FRMD6: variants seen among roughly 807,000 people sequenced by gnomAD.
The protein encoded by FRMD6 is FERM domain-containing protein 6.
In FRMD6, 37 loss-of-function variants were observed where a neutral mutation model predicts 73.2. The ratio of observed to expected loss-of-function variants is 0.51; its 90% CI spans 0.39 to 0.66. The LOEUF is 0.66. Among genes scored for constraint, FRMD6 ranks in the 30% least tolerant of loss-of-function variants. The pLI is 0.00. For missense variants in FRMD6, 714 were observed against 780.5 expected, an observed-to-expected ratio of 0.91 and a Z score of 1.02; for synonymous variants, 273 against 282.2, an observed-to-expected ratio of 0.97 and a Z score of 0.33.
At chr14:51,458,205 C>T in the FRMD6 span, among the ~76,000 whole-genome samples, 43,001 of 152,006 alleles carry the variant, frequency 0.28, 6,591 homozygotes, top group Non-Finnish European at 0.34. Flanking sequence ...TGATATGATA[C>T]GAGAGATCAA....
At chr14:51,704,493 G>A (rs899170925) in intron 5 of FRMD6, 9 of 405,332 alleles carry the variant, frequency 2.2e-5, no homozygotes, top group African/African-American at 1.6e-4. Context: ...TTCTCTGAAT[G>A]AATCAAATGC....
intron 1 of FRMD6, among the ~76,000 whole-genome samples, chr14:51,679,111 A>G (rs907083809): frequency 6.6e-6 from 1 of 152,094 alleles, no homozygotes; most frequent in African/African-American, 2.4e-5. Flanking sequence ...ATGATCAGAT[A>G]TGCAATTTAA....
chr14:51,572,311 A>C (rs1888174497), intron 2 of FRMD6, among the ~76,000 whole-genome samples: 1 of 152,254 alleles, frequency 6.6e-6, no homozygotes, highest in Non-Finnish European at 1.5e-5. Flanking sequence ...ACCTCTATTC[A>C]ATGTACAAAG....
chr14:51,619,805 G>A (rs1273622897), intron 2 of FRMD6, among the ~76,000 whole-genome samples: 2 of 152,124 alleles, frequency 1.3e-5, no homozygotes, highest in Admixed American at 1.3e-4. Flanking sequence ...GATTCCATAT[G>A]TTTTCTTTAG....
intron 1 of FRMD6, among the ~76,000 whole-genome samples, chr14:51,679,876 A>G (rs972900447): frequency 8.5e-5 from 13 of 152,304 alleles, no homozygotes; most frequent in Middle Eastern, 3.4e-3. Flanking sequence ...TCATTTTCCC[A>G]AGTACCTATT....
the FRMD6 span, among the ~76,000 whole-genome samples, chr14:51,399,367 A>G: frequency 2.0e-5 from 3 of 152,068 alleles, no homozygotes; most frequent in Non-Finnish European, 4.4e-5. Flanking sequence ...TATTAAATCT[A>G]CTACTTTCCT....
the FRMD6 span, among the ~76,000 whole-genome samples, chr14:51,455,880 G>T: frequency 6.6e-6 from 1 of 152,180 alleles, no homozygotes; most frequent in Non-Finnish European, 1.5e-5. Flanking sequence ...GATGGGGGAA[G>T]GTGAAGTTCA....
chr14:51,689,966 A>G (rs1262023741), intron 2 of FRMD6, 31 bp downstream of exon 2: 1 of 1,408,302 alleles, frequency 7.1e-7, no homozygotes, highest in East Asian at 2.3e-5. Context: ...AAATGTCTAA[A>G]TATTGTGTTT....
At chr14:51,429,392 T>G in the FRMD6 span, among the ~76,000 whole-genome samples, 4 of 151,008 alleles carry the variant, frequency 2.6e-5, no homozygotes, top group South Asian at 8.5e-4. Flanking sequence ...ACCCAGCCGT[T>G]CAAAAACAGT....
At chr14:51,680,902 T>C (rs1894750555) in intron 1 of FRMD6, among the ~76,000 whole-genome samples, 1 of 152,220 alleles carries the variant, frequency 6.6e-6, no homozygotes, top group Non-Finnish European at 1.5e-5. Flanking sequence ...GAATTATTTC[T>C]TATCCATTCG....
At chr14:51,478,940 C>T in the FRMD6 span, among the ~76,000 whole-genome samples, 6 of 152,110 alleles carry the variant, frequency 3.9e-5, no homozygotes, top group African/African-American at 1.4e-4. Context: ...AGAAGAAATT[C>T]GGAGAAAACC....
chr14:51,622,897 C>A (rs1890975709), intron 2 of FRMD6, among the ~76,000 whole-genome samples: 1 of 152,140 alleles, frequency 6.6e-6, no homozygotes, highest in Non-Finnish European at 1.5e-5. Context: ...TCCTAAATAG[C>A]TGGGACTACA....
At chr14:51,446,967 A>C in the FRMD6 span, among the ~76,000 whole-genome samples, 158 of 152,306 alleles carry the variant, frequency 1.0e-3, no homozygotes, top group African/African-American at 3.5e-3. Context: ...CTTTGGTCAC[A>C]GATGTTGTAC....
intron 1 of FRMD6, among the ~76,000 whole-genome samples, chr14:51,665,590 C>T (rs1046381342): frequency 2.0e-5 from 3 of 152,164 alleles, no homozygotes; most frequent in Admixed American, 2.0e-4. Flanking sequence ...CCCAGCTGTA[C>T]TAGTTTCTTG....
Position 51,722,067 on chromosome 14 carries a change from G to A in FRMD6, c.1479G>A (p.Leu493=), listed in dbSNP as rs1327763544. The A allele has an allele frequency of 6.2e-7, 1 of 1,613,974 alleles. No individual in the cohort carries two copies. Among genetic ancestry groups the A allele is most frequent in the African/African-American group, 1.3e-5 (1 of 74,914 alleles). Residue 493 remains leucine, a synonymous_variant, in exon 12 of 14, where the codon CTG becomes CTA. Transcript: ENST00000344768. Reference sequence around the variant, plus strand: ...AGGACATGCTCATGTCGCGGAAGCTGAATGGACACTCTGGTGAGCTCTTAC... The same window carrying A: ...AGGACATGCTCATGTCGCGGAAGCTAAATGGACACTCTGGTGAGCTCTTAC... ...ITEDMLMSRK[L]NGHSGLIVKE...
At chr14:51,661,861 A>G (rs930108225) in intron 1 of FRMD6, among the ~76,000 whole-genome samples, 10 of 152,262 alleles carry the variant, frequency 6.6e-5, no homozygotes, top group Non-Finnish European at 1.2e-4. Flanking sequence ...CAAATATTCA[A>G]TATTGATGTG....
At chr14:51,644,493 G>A (rs1594646075) in intron 2 of FRMD6, among the ~76,000 whole-genome samples, 1 of 152,094 alleles carries the variant, frequency 6.6e-6, no homozygotes, top group Non-Finnish European at 1.5e-5. Flanking sequence ...AGATGAATGG[G>A]GCCATAGCAG....
chr14:51,596,248 G>GGTGTGTGTGT (rs3060588), intron 2 of FRMD6, among the ~76,000 whole-genome samples: 5,422 of 147,656 alleles, frequency 0.037, 129 homozygotes, highest in East Asian at 0.08. Context: ...AGGAGAGCCT[G>GGTGTGTGTGT]GTGTGTGTGT....
At position 51,513,934 on chromosome 14, in the gene FRMD6, T is replaced by G. The variant is rs562383916; in HGVS notation, c.-210+24514T>G. Reference sequence around the variant, plus strand: ...GTTGGAGCATTGACCAACCATGGGATATCAGGGAATTATAAACATCTCTAA... The same window carrying G: ...GTTGGAGCATTGACCAACCATGGGAGATCAGGGAATTATAAACATCTCTAA... On this transcript the variant is annotated intron_variant, in intron 1 of 14. Transcript: ENST00000356218. 5.9e-5 allele frequency among the ~76,000 whole-genome samples: 9 copies of G among 152,342 alleles called. No homozygotes were observed. The East Asian group carries it at 1.7e-3, about 29-fold the overall frequency.
Sources: gnomAD v4.1 joint callset for allele counts (sites outside exome capture counted in the v4.1 genomes callset) on GRCh38, gnomAD v4.1.1 for gene constraint, MANE v1.5 for transcripts, NCBI Gene and HGNC (gene_info 2026-07-23, HGNC 2026-07-21) for gene names.